Variants in GFRA1 observed in about 807,000 individuals in gnomAD.
GFRA1 encodes GDNF family receptor alpha 1, also known as GDNF family receptor alpha-1.
A neutral mutation model predicts 51.6 loss-of-function variants in GFRA1; 16 were observed. The observed-to-expected ratio is 0.31, with a 90% CI of 0.21 to 0.47. The LOEUF (loss-of-function observed/expected upper bound fraction) is 0.47. Among genes scored for constraint, GFRA1 ranks in the 20% least tolerant of loss-of-function variants. The pLI, the probability that GFRA1 is intolerant of heterozygous loss-of-function variation, is 1.00. For missense variants in GFRA1, 530 were observed against 594.3 expected (o/e 0.89, Z 1.13); for synonymous variants, 270 against 241.3 (o/e 1.12, Z -1.10).
chr10:116,096,966 C>CG (rs1189828874), intron 6 of GFRA1, among the ~76,000 whole-genome samples: 5 of 152,084 alleles, frequency 3.3e-5, no homozygotes, highest in Admixed American at 2.6e-4. Flanking sequence ...ATTCAACCCC[C>CG]TCATGTCCCT....
chr10:116,131,993 G>A (rs974441639), intron 5 of GFRA1, among the ~76,000 whole-genome samples: 4 of 151,408 alleles, frequency 2.6e-5, no homozygotes, highest in African/African-American at 9.7e-5. Flanking sequence ...GATTGCTTGA[G>A]ACCAGAAGAT....
chr10:116,248,201 G>C (rs981910854), intron 4 of GFRA1, among the ~76,000 whole-genome samples: 2 of 152,180 alleles, frequency 1.3e-5, no homozygotes, highest in African/African-American at 2.4e-5. Flanking sequence ...AGGGCAAAAG[G>C]TAAGAGCAAG....
intron 4 of GFRA1, among the ~76,000 whole-genome samples, chr10:116,231,918 A>T (rs1337011365): frequency 1.3e-5 from 2 of 152,226 alleles, no homozygotes; most frequent in African/African-American, 4.8e-5. Flanking sequence ...ATTGCAGAAG[A>T]ATCTCCTTAA....
intron 5 of GFRA1, among the ~76,000 whole-genome samples, chr10:116,193,834 G>A (rs1289295915): frequency 6.6e-6 from 1 of 151,886 alleles, no homozygotes; most frequent in Non-Finnish European, 1.5e-5. Context: ...TAGGCGGGTG[G>A]ATCATGAGGT....
chr10:116,203,932 TA>T (rs1964534361), intron 5 of GFRA1, among the ~76,000 whole-genome samples: 1 of 152,244 alleles, frequency 6.6e-6, no homozygotes, highest in African/African-American at 2.4e-5. Flanking sequence ...CTGCTCTAGA[TA>T]AGGCAAACCC....
intron 5 of GFRA1, among the ~76,000 whole-genome samples, chr10:116,140,680 A>AG (rs1288525314): frequency 1.3e-5 from 2 of 152,306 alleles, no homozygotes; most frequent in East Asian, 1.9e-4. Flanking sequence ...GAAAAAAAAA[A>AG]CAAATGTCTA....
In GFRA1 at chr10:116,266,220, G is replaced by A. The variant is rs1219424526; in HGVS notation, c.418+3283C>T. Among the ~76,000 whole-genome samples the A allele has an allele frequency of 2.0e-5, 3 of 152,146 alleles. No homozygotes were observed. In the East Asian group the frequency reaches 5.8e-4, roughly 29 times the overall value. On this transcript the variant is annotated intron_variant, in intron 4 of 10. Coordinates refer to ENST00000355422, the MANE Select transcript of GFRA1 (RefSeq NM_005264.8). ...CTTGCGAGGATTCAGCTCACCCTTA[G>A]TGTATGTGGATAAACATGCTCTTCA... is the stretch of plus-strand genomic sequence containing the variant.
intron 5 of GFRA1, among the ~76,000 whole-genome samples, chr10:116,130,984 C>CA (rs1294508915): frequency 3.1e-4 from 47 of 152,224 alleles, no homozygotes; most frequent in African/African-American, 1.1e-3. Context: ...AATGAATAGA[C>CA]AAACCACAGA....
chr10:116,251,184 G>A (rs752367714), intron 4 of GFRA1, among the ~76,000 whole-genome samples: 25 of 152,138 alleles, frequency 1.6e-4, no homozygotes, highest in African/African-American at 5.3e-4. Flanking sequence ...TATAAGTTTC[G>A]TGAGTTCATC....
chr10:116,200,954 C>A (rs1786494370), intron 5 of GFRA1, among the ~76,000 whole-genome samples: 1 of 152,190 alleles, frequency 6.6e-6, no homozygotes, highest in African/African-American at 2.4e-5. Context: ...TTAGCAGAAA[C>A]AACCATTATC....
At chr10:116,122,990 C>T (rs141142623) in intron 6 of GFRA1, among the ~76,000 whole-genome samples, 24 of 152,342 alleles carry the variant, frequency 1.6e-4, no homozygotes, top group Middle Eastern at 3.4e-3. Context: ...GAATGGGGAT[C>T]CCTTCTGCTT....
At chr10:116,118,483 C>T (rs1957517347) in intron 6 of GFRA1, among the ~76,000 whole-genome samples, 1 of 152,160 alleles carries the variant, frequency 6.6e-6, no homozygotes, top group African/African-American at 2.4e-5. Flanking sequence ...CCCACCTCAA[C>T]CACTGTGTCC....
At chr10:116,131,809 C>G (rs59411775) in intron 5 of GFRA1, among the ~76,000 whole-genome samples, 9,622 of 150,082 alleles carry the variant, frequency 0.064, 465 homozygotes, top group African/African-American at 0.13. Flanking sequence ...TGGTAATGTT[C>G]TCTACCTTGA....
rs1315237183 is a variant in GFRA1, at chr10:116,063,118, C to CAAAG, written c.*1276_*1279dup. The CAAAG allele has an allele frequency of 6.6e-6, 1 of 152,168 alleles. No homozygotes were observed. Among genetic ancestry groups the CAAAG allele is most frequent in the African/African-American group, 2.4e-5 (1 of 41,416 alleles). 9.4% of individuals were successfully genotyped at this position (152,168 alleles called of 1,614,324 possible). On this transcript the variant is annotated 3_prime_UTR_variant, in exon 11 of 11. Transcript: ENST00000355422. ...GTGCATCCCAGCATGGATGTGTTTC[C>CAAAG]AAAGAAAGGAGAACCTGCCCATGCC... is the stretch of plus-strand genomic sequence containing the variant.
chr10:116,237,378 A>G (rs1966954328), intron 4 of GFRA1, among the ~76,000 whole-genome samples: 1 of 152,170 alleles, frequency 6.6e-6, no homozygotes, highest in Non-Finnish European at 1.5e-5. Context: ...GAGAAAAATG[A>G]GGCTCAGAGA....
rs184093248 is a variant in GFRA1 at position 116,166,533 on chromosome 10, C to T, written c.434-40976G>A. Reference sequence around the variant, plus strand: ...GTTTTCTTCTGGGCATAAACACATTCGGATCTCCTTTTCCCAACAACACCT... The same window carrying T: ...GTTTTCTTCTGGGCATAAACACATTTGGATCTCCTTTTCCCAACAACACCT... On this transcript the variant is annotated intron_variant, in intron 5 of 10. Transcript: ENST00000355422. Among the ~76,000 whole-genome samples the T allele has an allele frequency of 2.3e-3, 351 of 152,214 alleles. 2 individuals are homozygous for T. Among genetic ancestry groups the T allele is most frequent in the Non-Finnish European group, 2.8e-3 (190 of 68,012 alleles).
At position 116,090,762 on chromosome 10, in the gene GFRA1, A is replaced by G. The variant is rs76378463; in HGVS notation, c.1016-840T>C. On this transcript the variant is annotated intron_variant, in intron 8 of 10. Coordinates refer to ENST00000355422, the MANE Select transcript of GFRA1 (RefSeq NM_005264.8). ...TTATTTCATATTCATTGTATAAAAA[A>G]CCAAACTCCTCCATTTGGGACCTGA... Among the ~76,000 whole-genome samples the G allele has an allele frequency of 3.8e-3, 574 of 152,206 alleles. 3 individuals are homozygous for G. Among genetic ancestry groups the G allele is most frequent in the African/African-American group, 0.013 (547 of 41,536 alleles).
intron 3 of GFRA1, among the ~76,000 whole-genome samples, chr10:116,269,829 A>G (rs1589928184): frequency 6.6e-6 from 1 of 152,152 alleles, no homozygotes; most frequent in East Asian, 1.9e-4. Flanking sequence ...CTATCTTGCC[A>G]GAAAACTCTC....
chr10:116,173,962 C>A lies in GFRA1; in HGVS notation c.433+37669G>T, dbSNP rs535831387. On this transcript the variant is annotated intron_variant, in intron 5 of 10. Coordinates refer to ENST00000355422, the MANE Select transcript of GFRA1 (RefSeq NM_005264.8). Reference sequence around the variant, plus strand: ...GGGCATGGTGGTGCATGCCTGTAATCCCAGCTACTTGGGAGGCTGAGGCAG... The same window carrying A: ...GGGCATGGTGGTGCATGCCTGTAATACCAGCTACTTGGGAGGCTGAGGCAG... 1.1e-4 allele frequency among the ~76,000 whole-genome samples: 17 copies of A among 152,192 alleles called. No individual in the cohort carries two copies. In the South Asian group the frequency reaches 3.3e-3, roughly 30 times the overall value.
Sources: allele counts gnomAD v4.1 joint callset (sites outside exome capture counted in the v4.1 genomes callset), GRCh38; gene constraint gnomAD v4.1.1; transcripts MANE v1.5; gene names NCBI Gene and HGNC (gene_info 2026-07-23, HGNC 2026-07-21).